NEK10: variants seen among roughly 807,000 people sequenced by gnomAD.
The protein encoded by NEK10 is serine/threonine-protein kinase Nek10.
Under a neutral mutation model 159.8 loss-of-function variants are expected in NEK10, and 122 were observed. The ratio of observed to expected loss-of-function variants is 0.76; its 90% CI spans 0.66 to 0.89. The LOEUF is 0.89. Among genes scored for constraint, NEK10 ranks in the 40% least tolerant of loss-of-function variants. The pLI is 0.00. For synonymous variants in NEK10, 466 were observed against 457.1 expected (o/e 1.02, Z -0.25); for missense variants, 1,342 against 1,323.1 (o/e 1.01, Z -0.22).
chr3:27,304,895 G>C lies in NEK10; in HGVS notation c.880C>G (p.Pro294Ala). ...GAGTGGAGCAGACTGAGGAGGACCG[G>C]TATCCCCTCATAGAGCTTCACCTGC... ...KEQVKLYEGIPVLLSLLHSDH... is the reference protein window; with the variant it reads ...KEQVKLYEGIAVLLSLLHSDH... The change falls in exon 12 of 36, where the codon CCG (proline) becomes GCG (alanine). Residue 294 changes from proline to alanine, a missense_variant. By Grantham distance (27) the Pro-to-Ala change is conservative (BLOSUM62 -1). Transcript: ENST00000691995. The C allele has an allele frequency of 6.2e-7, 1 of 1,613,538 alleles. No individual in the cohort carries two copies. The highest frequency in any genetic ancestry group is 1.1e-5 in the South Asian group (1 of 91,064).
Position 27,367,720 on chromosome 3 carries a change from G to A in NEK10, c.-38+1505C>T, listed in dbSNP as rs942731353. 7.9e-5 allele frequency among the ~76,000 whole-genome samples: 12 copies of A among 152,304 alleles called. 1 individual carries two copies. The South Asian group carries it at 1.0e-3, about 13-fold the overall frequency. On this transcript the variant is annotated intron_variant, in intron 1 of 35. Coordinates refer to ENST00000691995, the MANE Select transcript of NEK10 (RefSeq NM_001394966.1). ...GACTGAGACAAAGATGGTCTCTGCC[G>A]TCACAGAGGCAGTCCAGAGAAAGAA...
chr3:27,135,551 C>A (rs922208654), intron 31 of NEK10, among the ~76,000 whole-genome samples: 1 of 152,102 alleles, frequency 6.6e-6, no homozygotes, highest in Non-Finnish European at 1.5e-5. Context: ...TATATGGATT[C>A]TTTTAAAGAA....
chr3:27,287,229 G>T (rs1380387979), intron 20 of NEK10, among the ~76,000 whole-genome samples: 1 of 151,664 alleles, frequency 6.6e-6, no homozygotes, highest in Non-Finnish European at 1.5e-5. Context: ...AGCAAGCCTG[G>T]CTGCCAGAAT....
intron 23 of NEK10, among the ~76,000 whole-genome samples, chr3:27,211,880 A>T (rs1951037481): frequency 1.3e-5 from 2 of 152,234 alleles, no homozygotes; most frequent in South Asian, 4.1e-4. Flanking sequence ...TTTTTAAAAT[A>T]ACATTTCTCA....
chr3:27,106,855 T>C lies in NEK10; in HGVS notation c.*4417A>G, dbSNP rs1272986330. On this transcript the variant is annotated 3_prime_UTR_variant, in exon 36 of 36. Transcript: ENST00000691995. ...CTCCATACATAAAGACAAAATTCTA[T>C]CTTTGTTTAGGAGAAAGAAAGGTAA... Among the ~76,000 whole-genome samples the C allele has an allele frequency of 6.6e-6, 1 of 152,222 alleles. No homozygotes were observed. Among genetic ancestry groups the C allele is most frequent in the East Asian group, 1.9e-4 (1 of 5,186 alleles).
chr3:27,333,611 C>T (rs192828480), intron 5 of NEK10, among the ~76,000 whole-genome samples: 1 of 152,142 alleles, frequency 6.6e-6, no homozygotes, highest in Admixed American at 6.5e-5. Context: ...CCAGTAGCAC[C>T]AGGGCTGAGG....
rs759898125 is a variant in NEK10 at position 27,308,979 on chromosome 3, T to G, written c.663A>C (p.Arg221=). 8.8e-6 allele frequency: 14 copies of G among 1,597,452 alleles called. No homozygotes were observed. Among genetic ancestry groups the G allele is most frequent in the Non-Finnish European group, 1.2e-5 (14 of 1,166,714 alleles). The change falls in exon 10 of 36, where the codon CGA becomes CGC. Residue 221 remains arginine, a synonymous_variant. Transcript: ENST00000691995. ...HKTLVNLLGA[R]DTNVLLGSLL... ...GGGAACCCAATAGAACATTAGTATC[T>G]CGGGCACCAAGTAAATTTACTAATG...
intron 12 of NEK10, among the ~76,000 whole-genome samples, chr3:27,304,285 C>T (rs574640168): frequency 2.0e-4 from 30 of 152,272 alleles, no homozygotes; most frequent in African/African-American, 6.7e-4. Flanking sequence ...ACACCTGCTC[C>T]TTTCATATAG....
At chr3:27,199,216 G>A (rs1447611753) in intron 25 of NEK10, among the ~76,000 whole-genome samples, 4 of 152,096 alleles carry the variant, frequency 2.6e-5, no homozygotes, top group Non-Finnish European at 5.9e-5. Context: ...CTATGCACCT[G>A]ACAAAGGTCT....
At chr3:27,269,607 A>G (rs1019542959) in intron 22 of NEK10, among the ~76,000 whole-genome samples, 2 of 152,238 alleles carry the variant, frequency 1.3e-5, no homozygotes, top group Non-Finnish European at 1.5e-5. Flanking sequence ...ACACAAATAG[A>G]CTATAACATA....
chr3:27,191,752 TAC>T (rs1390624829), intron 26 of NEK10, among the ~76,000 whole-genome samples: 1 of 152,246 alleles, frequency 6.6e-6, no homozygotes, highest in African/African-American at 2.4e-5. Context: ...CTGCTAATTT[TAC>T]AGTCTGTAAC....
chr3:27,211,968 C>T (rs1223721018), intron 23 of NEK10, among the ~76,000 whole-genome samples: 1 of 152,176 alleles, frequency 6.6e-6, no homozygotes, highest in Non-Finnish European at 1.5e-5. Context: ...ATATTAATTT[C>T]CTCACATCTG....
At chr3:27,156,107 C>T (rs1236697015) in intron 30 of NEK10, among the ~76,000 whole-genome samples, 2 of 152,074 alleles carry the variant, frequency 1.3e-5, no homozygotes, top group Non-Finnish European at 2.9e-5. Context: ...AAACTGGACC[C>T]TCATCTGTCA....
intron 12 of NEK10, 111 bp downstream of exon 12, chr3:27,304,636 A>C: frequency 1.4e-6 from 1 of 697,746 alleles, no homozygotes. Context: ...TTACCAAAGA[A>C]ATCCCAAAGC....
At chr3:27,254,717 T>C (rs545281800) in intron 23 of NEK10, among the ~76,000 whole-genome samples, 3 of 152,148 alleles carry the variant, frequency 2.0e-5, no homozygotes, top group Non-Finnish European at 4.4e-5. Flanking sequence ...TAGTAAGATA[T>C]ACTTTACATG....
At chr3:27,248,020 G>A (rs1474443078) in intron 23 of NEK10, among the ~76,000 whole-genome samples, 2 of 151,898 alleles carry the variant, frequency 1.3e-5, no homozygotes, top group South Asian at 4.1e-4. Flanking sequence ...TTTACTGGGA[G>A]ACTTTTCATT....
At chr3:27,236,673 G>C (rs573394253) in intron 23 of NEK10, among the ~76,000 whole-genome samples, 50 of 152,262 alleles carry the variant, frequency 3.3e-4, no homozygotes, top group Non-Finnish European at 7.4e-5. Context: ...CTTTAAAAGG[G>C]GAGAGGGTGT....
intron 31 of NEK10, among the ~76,000 whole-genome samples, chr3:27,139,391 C>T (rs1051455173): frequency 1.3e-5 from 2 of 152,120 alleles, no homozygotes; most frequent in African/African-American, 4.8e-5. Flanking sequence ...TGAGATCCAA[C>T]ACAATGAGGG....
chr3:27,121,255 T>C (rs1209248188), intron 32 of NEK10, among the ~76,000 whole-genome samples: 1 of 152,062 alleles, frequency 6.6e-6, no homozygotes, highest in Non-Finnish European at 1.5e-5. Context: ...TGCAAAGCAA[T>C]AAAAAAGAAC....
Sources: gnomAD v4.1 joint callset for allele counts (sites outside exome capture counted in the v4.1 genomes callset) on GRCh38, gnomAD v4.1.1 for gene constraint, MANE v1.5 for transcripts, NCBI Gene and HGNC (gene_info 2026-07-23, HGNC 2026-07-21) for gene names.